AIM2: variants seen among roughly 807,000 people sequenced by gnomAD.
AIM2 encodes interferon-inducible protein AIM2.
Under a neutral mutation model 27.7 loss-of-function variants are expected in AIM2, and 30 were observed. The ratio of observed to expected loss-of-function variants is 1.08; its 90% CI spans 0.81 to 1.47. The LOEUF is 1.47. Ranked by LOEUF, AIM2 falls within the 40% of genes most tolerant of loss-of-function variation. The pLI is 0.00. For missense variants in AIM2, 358 were observed against 411.3 expected, an observed-to-expected ratio of 0.87 and a Z score of 1.12; for synonymous variants, 141 against 145.3, an observed-to-expected ratio of 0.97 and a Z score of 0.21.
chr1:159,063,674 C>T lies in AIM2; in HGVS notation c.817G>A (p.Val273Ile). 1 of 1,610,718 alleles carries T rather than the reference C, an allele frequency of 6.2e-7. No individual in the cohort carries two copies. Residue 273 changes from valine to isoleucine, a missense_variant and splice_region_variant, in exon 5 of 6, where the codon GTA becomes ATA. Physicochemically the swap from Val to Ile is conservative, Grantham distance 29. Coordinates refer to ENST00000368130, the MANE Select transcript of AIM2 (RefSeq NM_004833.3). ...AATATGTTTTTCTTCTTTTCTGTTA[C>T]CTATAAAAGAAAATCAACACCCAGC... ...IVNGLFVVQK[V>I]TEKKKNILFD...
intron 1 of AIM2, among the ~76,000 whole-genome samples, chr1:159,121,537 C>T (rs1647534327): frequency 6.6e-6 from 1 of 151,944 alleles, no homozygotes; most frequent in South Asian, 2.1e-4. Context: ...GTAATTTGAT[C>T]TACTTCAACA....
At chr1:159,099,335 T>G (rs892961837) in intron 1 of AIM2, among the ~76,000 whole-genome samples, 1 of 152,126 alleles carries the variant, frequency 6.6e-6, no homozygotes, top group Non-Finnish European at 1.5e-5. Context: ...AATTTTATTG[T>G]TCAGAGAAGA....
intron 1 of AIM2, 54 bp from the exon 2 acceptor site, chr1:159,073,573 C>A: frequency 1.4e-6 from 2 of 1,470,058 alleles, no homozygotes; most frequent in Non-Finnish European, 1.8e-6. Context: ...ATTCTACATT[C>A]AAAATAAAGC....
chr1:159,140,102 C>A (rs192747087), intron 1 of AIM2, among the ~76,000 whole-genome samples: 59 of 151,976 alleles, frequency 3.9e-4, no homozygotes, highest in African/African-American at 1.4e-3. Context: ...GGGCTTAAAG[C>A]AAAAATATCT....
At chr1:159,063,784 T>C (rs991368391) in intron 4 of AIM2, 110 bp from the exon 5 acceptor site, 39 of 1,159,794 alleles carry the variant, frequency 3.4e-5, no homozygotes, top group Non-Finnish European at 4.4e-5. Flanking sequence ...CAGTTGATTC[T>C]TGAACAACAC....
At chr1:159,113,196 G>A (rs936719003) in intron 1 of AIM2, among the ~76,000 whole-genome samples, 1 of 151,936 alleles carries the variant, frequency 6.6e-6, no homozygotes, top group East Asian at 1.9e-4. Flanking sequence ...CACCTGCCTC[G>A]GTCTCCCAAA....
At chr1:159,100,326 AT>A (rs1219296205) in intron 1 of AIM2, among the ~76,000 whole-genome samples, 2 of 152,168 alleles carry the variant, frequency 1.3e-5, no homozygotes, top group Admixed American at 1.3e-4. Flanking sequence ...TTGGGAAATG[AT>A]TTTTTTAAGT....
Position 159,065,997 on chromosome 1 carries a change from G to C in AIM2, c.729C>G (p.Ile243Met), listed in dbSNP as rs1388527874. Residue 243 changes from isoleucine (I) to methionine (M), a missense_variant, in exon 4 of 6, where the codon ATC becomes ATG. By Grantham distance (10) the Ile-to-Met change is conservative. Coordinates refer to ENST00000368130, the MANE Select transcript of AIM2 (RefSeq NM_004833.3). Reference protein sequence around the residue: ...DQKVNVPLNIIRKAGETPKIN... With the variant: ...DQKVNVPLNIMRKAGETPKIN... Reference sequence around the variant, plus strand: ...TCTTCGGGGTTTCACCAGCTTTTCTGATAATGTTCAGCGGGACATTAACCT... The same window carrying C: ...TCTTCGGGGTTTCACCAGCTTTTCTCATAATGTTCAGCGGGACATTAACCT... 6.2e-7 allele frequency: 1 copy of C among 1,613,020 alleles called. No individual in the cohort carries two copies. The highest frequency in any genetic ancestry group is 1.1e-5 in the South Asian group (1 of 90,872).
intron 1 of AIM2, among the ~76,000 whole-genome samples, chr1:159,113,005 C>T (rs1194741449): frequency 2.6e-5 from 4 of 151,444 alleles, no homozygotes; most frequent in Non-Finnish European, 4.4e-5. Flanking sequence ...AGTGCAGTGG[C>T]GCGATCTCGG....
chr1:159,073,657 G>T, intron 1 of AIM2, 138 bp from the exon 2 acceptor site: 1 of 819,188 alleles, frequency 1.2e-6, no homozygotes, highest in Non-Finnish European at 1.9e-6. Flanking sequence ...GTAGGACATA[G>T]GTAAGAACTT....
At chr1:159,115,667 T>G (rs1647319400) in intron 1 of AIM2, among the ~76,000 whole-genome samples, 1 of 152,118 alleles carries the variant, frequency 6.6e-6, no homozygotes, top group African/African-American at 2.4e-5. Context: ...TCCTTATACC[T>G]TACACAATTT....
At chr1:159,056,804 T>A in the AIM2 span, among the ~76,000 whole-genome samples, 1 of 143,462 alleles carries the variant, frequency 7.0e-6, no homozygotes, top group African/African-American at 2.5e-5. Flanking sequence ...AGCCCAATCC[T>A]AAGCTGACCA....
intron 2 of AIM2, among the ~76,000 whole-genome samples, chr1:159,070,740 G>C (rs1397912906): frequency 6.6e-6 from 1 of 152,208 alleles, no homozygotes; most frequent in Non-Finnish European, 1.5e-5. Flanking sequence ...CTGTCTGACA[G>C]GGATATTGTA....
At chr1:159,090,304 A>C (rs1333440911) in intron 1 of AIM2, among the ~76,000 whole-genome samples, 2 of 152,260 alleles carry the variant, frequency 1.3e-5, no homozygotes. Context: ...TCATATTCAC[A>C]AATACTGTCA....
chr1:159,073,329 C>T lies in AIM2; in HGVS notation c.171G>A (p.Gly57=). 6.2e-7 allele frequency: 1 copy of T among 1,614,172 alleles called. No homozygotes were observed. Among genetic ancestry groups the T allele is most frequent in the Non-Finnish European group, 8.5e-7 (1 of 1,180,036 alleles). The part of the protein sequence containing the change: ...QVATLMIQNA[G]AVSAVMKTIR... ...TGGTCTTCATCACTGCAGACACCGC[C>T]CCAGCATTTTGAATCATCAAGGTAG... Residue 57 remains glycine, a synonymous_variant, in exon 2 of 6, where the codon GGG becomes GGA. Transcript: ENST00000368130.
At chr1:159,061,988 T>C (rs1655853293), downstream of AIM2, among the ~76,000 whole-genome samples, 1 of 152,202 alleles carries the variant, frequency 6.6e-6, no homozygotes, top group South Asian at 2.1e-4. Context: ...GTTTGGAGTT[T>C]ATTTTTGTAT....
chr1:159,108,060 A>G (rs920721872), intron 1 of AIM2, among the ~76,000 whole-genome samples: 1 of 152,244 alleles, frequency 6.6e-6, no homozygotes, highest in Admixed American at 6.5e-5. Context: ...CTATGAAGCC[A>G]GTATCACCCT....
At chr1:159,108,775 A>G (rs946527520) in intron 1 of AIM2, among the ~76,000 whole-genome samples, 23 of 152,170 alleles carry the variant, frequency 1.5e-4, no homozygotes, top group African/African-American at 5.3e-4. Context: ...CAAATCAAGA[A>G]TGCAACCCCC....
At chr1:159,106,237 A>G (rs2852724) in intron 1 of AIM2, among the ~76,000 whole-genome samples, 149,973 of 152,208 alleles carry the variant, frequency 0.99, 73,913 homozygotes, top group Middle Eastern at 1. Context: ...CTCCCACTCC[A>G]CCAACTCAGA....
Sources: gnomAD v4.1 joint callset for allele counts (sites outside exome capture counted in the v4.1 genomes callset) on GRCh38, gnomAD v4.1.1 for gene constraint, MANE v1.5 for transcripts, NCBI Gene and HGNC (gene_info 2026-07-23, HGNC 2026-07-21) for gene names.